MAST2: variants seen among roughly 807,000 people sequenced by gnomAD.
MAST2 encodes the protein microtubule associated serine/threonine kinase 2, also known as microtubule-associated serine/threonine-protein kinase 2.
MAST2 carries 70 observed loss-of-function variants against 147.4 expected under a neutral mutation model. The ratio of observed to expected loss-of-function variants is 0.47; its 90% CI spans 0.39 to 0.58. MAST2 has a LOEUF of 0.58. Among genes scored for constraint, MAST2 ranks in the 20% least tolerant of loss-of-function variants. The pLI, the probability that MAST2 is intolerant of heterozygous loss-of-function variation, is 0.00. For synonymous variants in MAST2, 869 were observed against 896.8 expected, an observed-to-expected ratio of 0.97 and a Z score of 0.55; for missense variants, 2,080 against 2,302.3, an observed-to-expected ratio of 0.90 and a Z score of 1.98.
At chr1:45,840,627 A>T (rs958782887) in intron 3 of MAST2, among the ~76,000 whole-genome samples, 1 of 152,244 alleles carries the variant, frequency 6.6e-6, no homozygotes, top group Non-Finnish European at 1.5e-5. Context: ...CCAGATTTAT[A>T]GTTAAATTTA....
chr1:46,034,545 G>C lies in MAST2; in HGVS notation c.3876G>C (p.Gly1292=). The C allele has an allele frequency of 6.2e-7, 1 of 1,612,750 alleles. No homozygotes were observed. The highest frequency in any genetic ancestry group is 8.5e-7 in the Non-Finnish European group (1 of 1,179,382). Residue 1292 remains glycine (G), a synonymous_variant, in exon 29 of 29, where the codon GGG becomes GGC. Transcript: ENST00000361297. ...VTPDAVHSVG[G]NSSQSSSPSS... ...GTCTGTCTCTGTACAAAGTGGGAGG[G>C]AATTCATCACAGAGCAGCTCCCCCA... is the stretch of plus-strand genomic sequence containing the variant.
chr1:45,807,334 C>G (rs753932732), intron 1 of MAST2, among the ~76,000 whole-genome samples: 5 of 152,000 alleles, frequency 3.3e-5, no homozygotes, highest in African/African-American at 4.8e-5. Flanking sequence ...CTTTATTGTG[C>G]TCTATTTAGC....
Position 46,031,696 on chromosome 1 carries a change from C to A in MAST2, c.3187+111C>A. 1.9e-6 allele frequency: 2 copies of A among 1,077,870 alleles called. No homozygotes were observed. Among genetic ancestry groups the A allele is most frequent in the Non-Finnish European group, 2.6e-6 (2 of 756,994 alleles). 66.8% of individuals were successfully genotyped at this position (1,077,870 alleles called of 1,614,324 possible). A position where few individuals can be genotyped will look rare whatever the true frequency, so the allele number is the denominator to read the frequency against. On this transcript the variant is annotated intron_variant, in intron 24 of 28. Coordinates refer to ENST00000361297, the MANE Select transcript of MAST2 (RefSeq NM_015112.3). The surrounding 1 kb of genome is among the most constrained non-coding windows in gnomAD (Gnocchi z 4.1). ...GTGTGTGTGTGTGTTAAGCACAGAT[C>A]TGACTGTGGTCTCTGAAGGTGTGTA...
intron 4 of MAST2, among the ~76,000 whole-genome samples, chr1:45,893,198 T>G (rs1419728861): frequency 1.3e-5 from 2 of 151,934 alleles, no homozygotes; most frequent in Non-Finnish European, 2.9e-5. Flanking sequence ...CAGTTTTTAT[T>G]ATTTATTTAT....
chr1:45,965,847 A>G (rs1429239653), intron 5 of MAST2, among the ~76,000 whole-genome samples: 4 of 152,182 alleles, frequency 2.6e-5, no homozygotes, highest in Non-Finnish European at 4.4e-5. Flanking sequence ...TCCCTACCAG[A>G]GTGCTACATT....
In MAST2 at chr1:46,022,006, A is replaced by G. The variant is rs1451728191; in HGVS notation, c.1347A>G (p.Lys449=). Residue 449 remains lysine (K), a synonymous_variant, in exon 12 of 29, where the codon AAA becomes AAG. Transcript: ENST00000361297. The part of the protein sequence containing the change: ...HLLEAAEGHA[K]EGQGIKCDIP... ...TAGAAGCAGCTGAGGGCCACGCCAAAGAGGGACAAGGGATTAAATGTGACA... is the reference window on the plus strand; with the variant it reads ...TAGAAGCAGCTGAGGGCCACGCCAAGGAGGGACAAGGGATTAAATGTGACA... 6.2e-7 allele frequency: 1 copy of G among 1,614,228 alleles called. No individual in the cohort carries two copies. The highest frequency in any genetic ancestry group is 1.7e-5 in the Admixed American group (1 of 60,032).
intron 5 of MAST2, among the ~76,000 whole-genome samples, chr1:45,980,810 A>G (rs1034144252): frequency 6.6e-6 from 1 of 152,064 alleles, no homozygotes; most frequent in African/African-American, 2.4e-5. Context: ...TGCTAGAATT[A>G]CAAGTGTGAG....
At chr1:45,865,626 C>T (rs1031762678) in intron 3 of MAST2, among the ~76,000 whole-genome samples, 1 of 152,126 alleles carries the variant, frequency 6.6e-6, no homozygotes. Context: ...TCCATCCATC[C>T]GTCTGTCTGT....
At chr1:45,999,871 C>T (rs1557452320) in intron 6 of MAST2, among the ~76,000 whole-genome samples, 3 of 152,232 alleles carry the variant, frequency 2.0e-5, no homozygotes, top group Non-Finnish European at 2.9e-5. Flanking sequence ...CAACCACAGT[C>T]AAGTCACCTT....
At chr1:45,824,790 A>G (rs964360790) in intron 2 of MAST2, among the ~76,000 whole-genome samples, 3 of 152,180 alleles carry the variant, frequency 2.0e-5, no homozygotes, top group Non-Finnish European at 4.4e-5. Flanking sequence ...TTCTTGGTTG[A>G]TCACCACTAG....
At chr1:45,936,868 A>G (rs1656277632) in intron 4 of MAST2, among the ~76,000 whole-genome samples, 1 of 152,118 alleles carries the variant, frequency 6.6e-6, no homozygotes, top group African/African-American at 2.4e-5. Flanking sequence ...ATTCAGTCTC[A>G]GGGGCCTGCA....
At position 45,978,280 on chromosome 1, in the gene MAST2, G is replaced by A. The variant is rs1353609795; in HGVS notation, c.592+18803G>A. Among the ~76,000 whole-genome samples, 6 of 152,150 alleles carry A rather than the reference G, an allele frequency of 3.9e-5. No homozygotes were observed. In the South Asian group the frequency reaches 6.2e-4, roughly 16 times the overall value. On this transcript the variant is annotated intron_variant, in intron 5 of 28. Transcript: ENST00000361297. ...TGTAATGCCAACCTTTTGGGAGACC[G>A]AGGTGGGCAGATCACTTGAGGCCAG...
chr1:45,927,337 G>C (rs544777082), intron 4 of MAST2, among the ~76,000 whole-genome samples: 20 of 152,240 alleles, frequency 1.3e-4, no homozygotes, highest in Admixed American at 6.5e-4. Context: ...TTTATTAGGC[G>C]GGAATTTCCT....
At chr1:45,938,080 C>T (rs1351442509) in intron 4 of MAST2, among the ~76,000 whole-genome samples, 1 of 152,144 alleles carries the variant, frequency 6.6e-6, no homozygotes, top group East Asian at 1.9e-4. Context: ...TTTCACTTAA[C>T]ATAATGTTTT....
chr1:45,944,932 A>G (rs1441734573), intron 4 of MAST2, among the ~76,000 whole-genome samples: 1 of 152,220 alleles, frequency 6.6e-6, no homozygotes, highest in African/African-American at 2.4e-5. Flanking sequence ...AGGATTGAGT[A>G]TACTTGCACC....
intron 4 of MAST2, among the ~76,000 whole-genome samples, chr1:45,929,231 T>A (rs1654892434): frequency 6.6e-6 from 1 of 152,194 alleles, no homozygotes; most frequent in Non-Finnish European, 1.5e-5. Flanking sequence ...TTTTTTACCC[T>A]GAAGTACAGA....
intron 1 of MAST2, among the ~76,000 whole-genome samples, chr1:45,823,389 G>A (rs1235227692): frequency 1.3e-5 from 2 of 150,404 alleles, no homozygotes; most frequent in Middle Eastern, 3.4e-3. Flanking sequence ...AGGCTGGAGT[G>A]CAGTGACATG....
intron 3 of MAST2, among the ~76,000 whole-genome samples, chr1:45,832,033 G>A (rs1291321288): frequency 6.6e-6 from 1 of 152,060 alleles, no homozygotes; most frequent in Admixed American, 6.5e-5. Flanking sequence ...ACCTGCCTCG[G>A]CCTCTCAAAG....
intron 3 of MAST2, among the ~76,000 whole-genome samples, chr1:45,878,527 A>C (rs1646704269): frequency 6.6e-6 from 1 of 152,188 alleles, no homozygotes; most frequent in African/African-American, 2.4e-5. Flanking sequence ...TTCATTTAAC[A>C]TCTTATAGAA....
Sources: gnomAD v4.1 joint callset for allele counts (sites outside exome capture counted in the v4.1 genomes callset) on GRCh38, gnomAD v4.1.1 for gene constraint, Gnocchi (gnomAD v3.1) non-coding constraint, MANE v1.5 for transcripts, NCBI Gene and HGNC (gene_info 2026-07-23, HGNC 2026-07-21) for gene names.